ZC3H14: variants seen among roughly 807,000 people sequenced by gnomAD.
The protein encoded by ZC3H14 is zinc finger CCCH-type containing 14.
A neutral mutation model predicts 92.4 loss-of-function variants in ZC3H14; 31 were observed. That is an observed-to-expected ratio of 0.34 (90% CI 0.25 to 0.45). The LOEUF (loss-of-function observed/expected upper bound fraction) is 0.45. Among genes scored for constraint, ZC3H14 ranks in the 20% least tolerant of loss-of-function variants. The pLI is 1.00. For missense variants in ZC3H14, 781 were observed against 897.3 expected, an observed-to-expected ratio of 0.87 and a Z score of 1.66; for synonymous variants, 321 against 300.9, an observed-to-expected ratio of 1.07 and a Z score of -0.69.
intron 1 of ZC3H14, 104 bp from the exon 2 acceptor site, chr14:88,563,547 T>C (rs538601758): frequency 5.0e-6 from 8 of 1,584,838 alleles, no homozygotes; most frequent in African/African-American, 1.3e-5. Context: ...GCCCGGGGGA[T>C]CCGAGGTGCG....
intron 8 of ZC3H14, among the ~76,000 whole-genome samples, chr14:88,577,178 T>C (rs1055973563): frequency 6.6e-6 from 1 of 152,160 alleles, no homozygotes; most frequent in African/African-American, 2.4e-5. Flanking sequence ...ATTCAACAGG[T>C]TTTGGCATAT....
chr14:88,617,838 G>A lies in ZC3H14; in HGVS notation c.*6087G>A, dbSNP rs2087982222. 1 of 155,962 alleles carries A rather than the reference G, an allele frequency of 6.4e-6. No individual in the cohort carries two copies. The highest frequency in any genetic ancestry group is 1.9e-4 in the South Asian group (1 of 5,168). 9.7% of individuals were successfully genotyped at this position (155,962 alleles called of 1,614,324 possible). ...GTCATGGTTACCTGTCATACAGCCAGGAAATTTGAACAAATTTGGAAGCTT... is the reference window on the plus strand; with the variant it reads ...GTCATGGTTACCTGTCATACAGCCAAGAAATTTGAACAAATTTGGAAGCTT... On this transcript the variant is annotated 3_prime_UTR_variant, in exon 17 of 17. Coordinates refer to ENST00000251038, the MANE Select transcript of ZC3H14 (RefSeq NM_024824.5).
chr14:88,580,053 C>G (rs918100232), intron 9 of ZC3H14, among the ~76,000 whole-genome samples: 1 of 152,058 alleles, frequency 6.6e-6, no homozygotes, highest in Non-Finnish European at 1.5e-5. Context: ...AAAATATTAG[C>G]TGGGCAAGGT....
chr14:88,602,158 C>T lies in ZC3H14; in HGVS notation c.1514+75C>T, dbSNP rs2084737679. On this transcript the variant is annotated intron_variant, in intron 11 of 16. Transcript: ENST00000251038. Reference sequence around the variant, plus strand: ...AAGGTTAACCATTCGTTTGCAGCTTCCCTCCTCCCCGCCCTAACCGCTAGC... The same window carrying T: ...AAGGTTAACCATTCGTTTGCAGCTTTCCTCCTCCCCGCCCTAACCGCTAGC... The T allele has an allele frequency of 3.1e-6, 5 of 1,597,742 alleles. No homozygotes were observed. In the Admixed American group the frequency reaches 5.0e-5, roughly 16 times the overall value.
intron 3 of ZC3H14, among the ~76,000 whole-genome samples, 173 bp from the exon 4 acceptor site, chr14:88,570,897 CTCAAGTCCAGGACT>C (rs1431186604): frequency 1.3e-5 from 2 of 152,104 alleles, no homozygotes; most frequent in African/African-American, 4.8e-5. Flanking sequence ...AGGTGGTTCT[CTCAAGTCCAGGACT>C]TCAAGACCAG....
At chr14:88,567,202 G>T (rs138510172) in intron 2 of ZC3H14, among the ~76,000 whole-genome samples, 11 of 150,346 alleles carry the variant, frequency 7.3e-5, no homozygotes, top group African/African-American at 2.7e-4. Flanking sequence ...TGCAAGCTCC[G>T]CCTCCTGGGT....
intron 9 of ZC3H14, among the ~76,000 whole-genome samples, chr14:88,595,513 G>GT: frequency 6.6e-6 from 1 of 152,258 alleles, no homozygotes; most frequent in South Asian, 2.1e-4. Context: ...TTTCACCTCA[G>GT]TTTTCCAAGC....
Position 88,596,797 on chromosome 14 carries a change from A to G in ZC3H14, c.1343A>G (p.Gln448Arg), listed in dbSNP as rs1461427984. 18 of 1,613,908 alleles carry G rather than the reference A, an allele frequency of 1.1e-5. No homozygotes were observed. Among genetic ancestry groups the G allele is most frequent in the Non-Finnish European group, 1.4e-5 (17 of 1,179,920 alleles). ...QIDPVMAETLQMSQDYYDMES... is the reference protein window; with the variant it reads ...QIDPVMAETLRMSQDYYDMES... ...GACCCAGTAATGGCAGAAACTCTGC[A>G]GATGAGTCAAGGTTGGTAATGTTTC... Residue 448 changes from glutamine (Q) to arginine (R), a missense_variant, in exon 10 of 17, where the codon CAG becomes CGG. Around this residue, in one of 3 missense-constraint regions of ZC3H14, gnomAD observed 454 missense variants for 438.5 expected, o/e 1.04. Coordinates refer to ENST00000251038, the MANE Select transcript of ZC3H14 (RefSeq NM_024824.5).
chr14:88,567,437 T>A (rs1291248668), intron 2 of ZC3H14, among the ~76,000 whole-genome samples: 1 of 149,918 alleles, frequency 6.7e-6, no homozygotes, highest in African/African-American at 2.5e-5. Flanking sequence ...TTTTTTTTTT[T>A]ATCCTAGACC....
intron 9 of ZC3H14, among the ~76,000 whole-genome samples, chr14:88,578,894 A>C (rs778202916): frequency 4.3e-5 from 6 of 138,748 alleles, no homozygotes; most frequent in Non-Finnish European, 1.5e-5. Flanking sequence ...TTGTGAAAGT[A>C]TCTCTCCCCT....
chr14:88,606,087 C>T (rs1223449008), intron 12 of ZC3H14, among the ~76,000 whole-genome samples: 2 of 152,112 alleles, frequency 1.3e-5, no homozygotes, highest in Non-Finnish European at 2.9e-5. Flanking sequence ...ACCCATGATG[C>T]TATTTTGTGG....
rs766372647 is a variant in ZC3H14, at chr14:88,616,185, T to C, written c.*4434T>C. On this transcript the variant is annotated 3_prime_UTR_variant, in exon 17 of 17. Transcript: ENST00000251038. ...GCACTAACAACATGTCGATCACCAC[T>C]GGTAAATCGAATATTTGTCACATGG... 3 of 1,613,832 alleles carry C rather than the reference T, an allele frequency of 1.9e-6. No individual in the cohort carries two copies. The highest frequency in any genetic ancestry group is 2.7e-5 in the African/African-American group (2 of 74,938).
intron 9 of ZC3H14, chr14:88,586,813 A>T (rs1271113933): frequency 3.3e-5 from 5 of 152,362 alleles, no homozygotes; most frequent in African/African-American, 1.2e-4. Context: ...ATAATCAAAT[A>T]GTATAAAAAA....
rs771576194 is a variant in ZC3H14 at position 88,625,130 on chromosome 14, G to A, written c.*13379G>A. ...GTACCTGTAAACGTCAAGTTATTCT[G>A]AAAAGGAGTGGGGGAGGGGGAGACA... On this transcript the variant is annotated 3_prime_UTR_variant, in exon 17 of 17. Transcript: ENST00000251038. The A allele has an allele frequency of 1.2e-6, 2 of 1,613,046 alleles. No homozygotes were observed. Among genetic ancestry groups the A allele is most frequent in the East Asian group, 4.5e-5 (2 of 44,878 alleles).
chr14:88,590,255 A>G (rs1166980372), intron 9 of ZC3H14: 1 of 152,362 alleles, frequency 6.6e-6, no homozygotes, highest in African/African-American at 2.4e-5. Flanking sequence ...CATCCCACAC[A>G]GCAGCAGCAG....
intron 6 of ZC3H14, chr14:88,574,215 T>A (rs1203930715): frequency 6.5e-6 from 1 of 154,792 alleles, no homozygotes; most frequent in Non-Finnish European, 1.4e-5. Context: ...AAAGGTTGAC[T>A]GTTAGGGATA....
chr14:88,593,734 C>A (rs2083442023), intron 9 of ZC3H14, among the ~76,000 whole-genome samples: 1 of 152,010 alleles, frequency 6.6e-6, no homozygotes, highest in East Asian at 1.9e-4. Context: ...CAAAATGGAT[C>A]AAAAACCTAA....
rs2089947569 is a variant in ZC3H14 at position 88,626,379 on chromosome 14, T to C, written c.*14628T>C. 1 of 159,436 alleles carries C rather than the reference T, an allele frequency of 6.3e-6. No homozygotes were observed. Among genetic ancestry groups the C allele is most frequent in the Non-Finnish European group, 1.4e-5 (1 of 71,940 alleles). 9.9% of individuals were successfully genotyped at this position (159,436 alleles called of 1,614,324 possible). A position where few individuals can be genotyped will look rare whatever the true frequency, so the allele number is the denominator to read the frequency against. On this transcript the variant is annotated 3_prime_UTR_variant, in exon 17 of 17. Transcript: ENST00000251038. The stretch of plus-strand genomic sequence containing the variant: ...GCTCATGCCTGTAAACCCAGCACTT[T>C]GGGAGGTCAAGATGGGAGGATCACA...
Position 88,571,109 on chromosome 14 carries a change from C to T in ZC3H14, c.220C>T (p.Arg74Cys), listed in dbSNP as rs917624313. ...GCTTCATGGTGTATTAGATAAACTT[C>T]GCTCTGTTACAACTGGTAAGATTCA... ...VWLHGVLDKLRSVTTEPSSLK... is the reference protein window; with the variant it reads ...VWLHGVLDKLCSVTTEPSSLK... The change falls in exon 4 of 17, where the codon CGC becomes TGC. Residue 74 changes from arginine (R) to cysteine (C), a missense_variant. This residue lies in a region of ZC3H14 where 106 missense variants were observed against 154.2 expected (regional missense o/e 0.69). Coordinates refer to ENST00000251038, the MANE Select transcript of ZC3H14 (RefSeq NM_024824.5). 7 of 1,579,828 alleles carry T rather than the reference C, an allele frequency of 4.4e-6. No individual in the cohort carries two copies. The highest frequency in any genetic ancestry group is 2.4e-5 in the South Asian group (2 of 84,226).
Sources: allele counts gnomAD v4.1 joint callset (sites outside exome capture counted in the v4.1 genomes callset), GRCh38; gene constraint gnomAD v4.1.1; regional missense constraint gnomAD v4.1.1; transcripts MANE v1.5; gene names NCBI Gene and HGNC (gene_info 2026-07-23, HGNC 2026-07-21).